The following VGLL4 variants were observed in gnomAD, a reference collection of about 807,000 sequenced individuals.
VGLL4 encodes transcription cofactor vestigial-like protein 4.
In VGLL4, 7 loss-of-function variants were observed where a neutral mutation model predicts 21.0. The observed-to-expected ratio is 0.33, with a 90% CI of 0.19 to 0.63. The LOEUF (loss-of-function observed/expected upper bound fraction) is 0.63, where lower values mean the gene tolerates loss of function less well. Among genes scored for constraint, VGLL4 ranks in the 20% least tolerant of loss-of-function variants. The probability of loss-of-function intolerance (pLI) is 0.78; values close to 1 mark genes in which losing one functional copy is unlikely to be tolerated. For missense variants in VGLL4, 394 were observed against 425.7 expected, an observed-to-expected ratio of 0.93 and a Z score of 0.66; for synonymous variants, 222 against 173.2, an observed-to-expected ratio of 1.28 and a Z score of -2.21.
At chr3:11,604,549 G>A in intron 1 of VGLL4, 1 of 935,066 alleles carries the variant, frequency 1.1e-6, no homozygotes, top group Non-Finnish European at 1.3e-6. Context: ...AGACAAGAGT[G>A]GTAACTGTTG....
At chr3:11,689,458 T>C (rs1006824401) in intron 2 of VGLL4, among the ~76,000 whole-genome samples, 5 of 152,206 alleles carry the variant, frequency 3.3e-5, no homozygotes, top group Non-Finnish European at 5.9e-5. Flanking sequence ...AATCACCACA[T>C]TTTTAATGTC....
At chr3:11,720,820 C>G (rs2076987109), upstream of VGLL4, 1 of 152,216 alleles carries the variant, frequency 6.6e-6, no homozygotes, top group African/African-American at 2.4e-5. Context: ...AGCAGCAGGG[C>G]AGACATGTGA....
At chr3:11,575,398 G>A (rs930272036) in intron 2 of VGLL4, among the ~76,000 whole-genome samples, 4 of 152,180 alleles carry the variant, frequency 2.6e-5, no homozygotes, top group East Asian at 1.9e-4. Flanking sequence ...TCCAGCCTTC[G>A]AGTTTCTTTT....
chr3:11,677,604 C>T (rs928488642), intron 2 of VGLL4, among the ~76,000 whole-genome samples: 6 of 151,922 alleles, frequency 3.9e-5, no homozygotes, highest in Non-Finnish European at 7.4e-5. Flanking sequence ...AGTGCTATAG[C>T]GCGTATGAAC....
chr3:11,638,917 T>C (rs2075637027), intron 1 of VGLL4, among the ~76,000 whole-genome samples: 1 of 152,220 alleles, frequency 6.6e-6, no homozygotes. Flanking sequence ...AGAAAATTAA[T>C]TTAAAAGTTG....
In VGLL4 at chr3:11,568,090, C is replaced by T. The variant is rs572900481; in HGVS notation, c.273-3071G>A. Among the ~76,000 whole-genome samples, 6 of 152,348 alleles carry T rather than the reference C, an allele frequency of 3.9e-5. No homozygotes were observed. The South Asian group carries it at 8.3e-4, about 21-fold the overall frequency. On this transcript the variant is annotated intron_variant, in intron 2 of 4. Transcript: ENST00000430365. The surrounding 1 kb of genome is among the most constrained non-coding windows in gnomAD (Gnocchi z 5.9). Reference sequence around the variant, plus strand: ...TTACAATCTAGCAGGGACAGAAAGGCCCGGGAGGGGCTGCAGCTCCCAAGT... The same window carrying T: ...TTACAATCTAGCAGGGACAGAAAGGTCCGGGAGGGGCTGCAGCTCCCAAGT...
intron 2 of VGLL4, among the ~76,000 whole-genome samples, chr3:11,681,721 G>A (rs1352413361): frequency 1.3e-5 from 2 of 152,250 alleles, no homozygotes; most frequent in Non-Finnish European, 2.9e-5. Context: ...GGCCTACAGA[G>A]GCACAGATGC....
chr3:11,707,746 C>T (rs563634896), intron 1 of VGLL4, among the ~76,000 whole-genome samples: 1 of 152,032 alleles, frequency 6.6e-6, no homozygotes, highest in African/African-American at 2.4e-5. Flanking sequence ...ATAGTCCCAG[C>T]TACTCGGGAG....
At chr3:11,712,777 C>T (rs2076865908) in intron 1 of VGLL4, among the ~76,000 whole-genome samples, 1 of 152,196 alleles carries the variant, frequency 6.6e-6, no homozygotes, top group Admixed American at 6.5e-5. Context: ...TAGCCCTGTG[C>T]TCTTTCCTCT....
At position 11,643,795 on chromosome 3, in the gene VGLL4, A is replaced by C. The variant is rs2075742378; in HGVS notation, c.-277T>G. On this transcript the variant is annotated 5_prime_UTR_variant, in exon 1 of 5. Coordinates refer to ENST00000430365, the MANE Select transcript of VGLL4 (RefSeq NM_001128219.3). ...AAACAGCGTTTCAGAAGTCCTTACA[A>C]GTCCTTCCTGGAAATGGAAAAGAGT... 1 of 1,153,584 alleles carries C rather than the reference A, an allele frequency of 8.7e-7. No homozygotes were observed. Among genetic ancestry groups the C allele is most frequent in the African/African-American group, 1.6e-5 (1 of 62,206 alleles). 71.5% of individuals were successfully genotyped at this position (1,153,584 alleles called of 1,614,324 possible).
At chr3:11,689,194 G>A (rs1271666738) in intron 2 of VGLL4, among the ~76,000 whole-genome samples, 1 of 152,028 alleles carries the variant, frequency 6.6e-6, no homozygotes, top group Non-Finnish European at 1.5e-5. Flanking sequence ...GTGTTCCTTT[G>A]GCTCACTTAC....
intron 2 of VGLL4, among the ~76,000 whole-genome samples, chr3:11,567,077 A>AG (rs140794671): frequency 2.8e-4 from 43 of 152,188 alleles, no homozygotes; most frequent in African/African-American, 1.0e-3. Context: ...GAAGCACCAG[A>AG]GGGGGCCTGA....
At chr3:11,579,116 G>A (rs535207985) in intron 2 of VGLL4, among the ~76,000 whole-genome samples, 117 of 150,580 alleles carry the variant, frequency 7.8e-4, no homozygotes, top group Non-Finnish European at 1.4e-3. Context: ...ATCATGTAGT[G>A]TGTTAATTCT....
intron 2 of VGLL4, among the ~76,000 whole-genome samples, chr3:11,583,913 GACAC>G (rs1287823010): frequency 6.6e-6 from 1 of 152,212 alleles, no homozygotes; most frequent in Non-Finnish European, 1.5e-5. Flanking sequence ...ACGAAGTGAT[GACAC>G]ACAAACAATA....
chr3:11,712,688 C>T (rs2076865011), intron 1 of VGLL4, among the ~76,000 whole-genome samples: 2 of 151,796 alleles, frequency 1.3e-5, no homozygotes, highest in African/African-American at 2.4e-5. Context: ...TTAAGTTGAT[C>T]ATGCTAAAGA....
chr3:11,696,477 G>C (rs1411366251), intron 2 of VGLL4, among the ~76,000 whole-genome samples: 1 of 152,156 alleles, frequency 6.6e-6, no homozygotes, highest in East Asian at 1.9e-4. Flanking sequence ...AATATTACCG[G>C]CTCCTTTTAT....
At chr3:11,651,191 A>C (rs2075866393) in intron 2 of VGLL4, among the ~76,000 whole-genome samples, 1 of 152,016 alleles carries the variant, frequency 6.6e-6, no homozygotes, top group Non-Finnish European at 1.5e-5. Context: ...AAATACAAAA[A>C]AATTAGCCAA....
At chr3:11,693,091 G>GC (rs1378176519) in intron 2 of VGLL4, 1 of 205,492 alleles carries the variant, frequency 4.9e-6, no homozygotes, top group Non-Finnish European at 1.0e-5. Context: ...GATCACTTGA[G>GC]CCCCAGGGGG....
In VGLL4 at chr3:11,568,268, G is replaced by A. The variant is rs114110476; in HGVS notation, c.273-3249C>T. 0.018 allele frequency among the ~76,000 whole-genome samples: 2,781 copies of A among 152,352 alleles called. 84 individuals are homozygous for A. The highest frequency in any genetic ancestry group is 0.063 in the African/African-American group (2,606 of 41,578). On this transcript the variant is annotated intron_variant, in intron 2 of 4. Coordinates refer to ENST00000430365, the MANE Select transcript of VGLL4 (RefSeq NM_001128219.3). This position sits in a 1 kb window ranked among gnomAD's most constrained non-coding sequence, Gnocchi z 5.9. The stretch of plus-strand genomic sequence containing the variant: ...CCTTATGTCCTAGGGGCACGGCACA[G>A]TCACGCAGATGACTCAGCTGCGCCT...
Sources: allele counts gnomAD v4.1 joint callset (sites outside exome capture counted in the v4.1 genomes callset), GRCh38; gene constraint gnomAD v4.1.1; non-coding constraint Gnocchi (gnomAD v3.1); transcripts MANE v1.5; gene names NCBI Gene and HGNC (gene_info 2026-07-23, HGNC 2026-07-21).